TGFB2: variants seen among roughly 807,000 people sequenced by gnomAD.
TGFB2 encodes the protein transforming growth factor beta 2.
In TGFB2, 13 loss-of-function variants were observed where a neutral mutation model predicts 42.7. The ratio of observed to expected loss-of-function variants is 0.30; its 90% CI spans 0.20 to 0.48. The LOEUF is 0.48. Among genes scored for constraint, TGFB2 ranks in the 20% least tolerant of loss-of-function variants. The pLI is 0.99. For synonymous variants in TGFB2, 193 were observed against 193.6 expected (o/e 1.00, Z 0.03); for missense variants, 390 against 517.5 (o/e 0.75, Z 2.39).
At chr1:218,398,076 C>T (rs986522041) in intron 1 of TGFB2, among the ~76,000 whole-genome samples, 3 of 152,228 alleles carry the variant, frequency 2.0e-5, no homozygotes, top group African/African-American at 4.8e-5. Flanking sequence ...TTCTTTTCCC[C>T]GGACTTTATC....
intron 2 of TGFB2, among the ~76,000 whole-genome samples, chr1:218,410,175 C>G (rs1659049305): frequency 2.6e-5 from 4 of 152,130 alleles, no homozygotes; most frequent in Non-Finnish European, 4.4e-5. Context: ...AAAATATAGC[C>G]CAAGAGTTTT....
chr1:218,414,172 C>T (rs1659194220), intron 2 of TGFB2, among the ~76,000 whole-genome samples: 1 of 152,030 alleles, frequency 6.6e-6, no homozygotes, highest in Non-Finnish European at 1.5e-5. Flanking sequence ...CCAGGGAGCA[C>T]AGCACTAATG....
At chr1:218,430,400 A>T (rs1359204764) in intron 2 of TGFB2, among the ~76,000 whole-genome samples, 1 of 152,124 alleles carries the variant, frequency 6.6e-6, no homozygotes, top group African/African-American at 2.4e-5. Context: ...GTCTCAAAAA[A>T]AAAAAAAGTA....
intron 1 of TGFB2, among the ~76,000 whole-genome samples, chr1:218,390,103 C>A (rs1658271096): frequency 6.6e-6 from 1 of 152,214 alleles, no homozygotes; most frequent in African/African-American, 2.4e-5. Flanking sequence ...AGAAACACTT[C>A]TTTAAAGAGG....
At chr1:218,363,599 G>C (rs1657289534) in intron 1 of TGFB2, among the ~76,000 whole-genome samples, 1 of 152,194 alleles carries the variant, frequency 6.6e-6, no homozygotes, top group Non-Finnish European at 1.5e-5. Context: ...GAGAAAAACT[G>C]ATGAATAGCT....
Position 218,441,683 on chromosome 1 carries a change from G to A in TGFB2, c.*321G>A, listed in dbSNP as rs1036387945. 2 of 193,700 alleles carry A rather than the reference G, an allele frequency of 1.0e-5. No homozygotes were observed. Among genetic ancestry groups the A allele is most frequent in the Non-Finnish European group, 1.0e-5 (1 of 95,278 alleles). The allele number at this position is 193,700 out of a possible 1,614,324, so 12.0% of individuals were successfully genotyped here. A position where few individuals can be genotyped will look rare whatever the true frequency, so the allele number is the denominator to read the frequency against. Reference sequence around the variant, plus strand: ...TATTAGTGTTAATTATGTGAACAACGACAACAACAACAACAACAACAAACA... The same window carrying A: ...TATTAGTGTTAATTATGTGAACAACAACAACAACAACAACAACAACAAACA... On this transcript the variant is annotated 3_prime_UTR_variant, in exon 7 of 7. Coordinates refer to ENST00000366930, the MANE Select transcript of TGFB2 (RefSeq NM_003238.6).
chr1:218,406,514 A>G (rs1658916857), intron 2 of TGFB2, among the ~76,000 whole-genome samples: 1 of 152,214 alleles, frequency 6.6e-6, no homozygotes, highest in Non-Finnish European at 1.5e-5. Flanking sequence ...TTAAAGAACC[A>G]CTTGAAAAAT....
At chr1:218,359,949 A>G (rs1048064692) in intron 1 of TGFB2, among the ~76,000 whole-genome samples, 1 of 152,174 alleles carries the variant, frequency 6.6e-6, no homozygotes, top group Non-Finnish European at 1.5e-5. Context: ...AGCCCTTATG[A>G]GGGAATAATT....
At chr1:218,350,206 CACA>C (rs1300458390) in intron 1 of TGFB2, among the ~76,000 whole-genome samples, 3 of 152,320 alleles carry the variant, frequency 2.0e-5, no homozygotes, top group Admixed American at 6.5e-5. Flanking sequence ...GAGGAAGAGA[CACA>C]ACGTTTCATT....
intron 1 of TGFB2, among the ~76,000 whole-genome samples, chr1:218,379,769 A>G (rs1392155818): frequency 6.6e-6 from 1 of 152,072 alleles, no homozygotes; most frequent in African/African-American, 2.4e-5. Flanking sequence ...CTGTGATACA[A>G]TCTTATTTTA....
At chr1:218,402,379 A>G (rs1658751227) in intron 1 of TGFB2, among the ~76,000 whole-genome samples, 1 of 152,218 alleles carries the variant, frequency 6.6e-6, no homozygotes, top group African/African-American at 2.4e-5. Flanking sequence ...CTTAACTAGC[A>G]AGCTACTCCT....
intron 1 of TGFB2, among the ~76,000 whole-genome samples, chr1:218,361,914 T>G (rs371972927): frequency 1.3e-5 from 2 of 152,204 alleles, no homozygotes; most frequent in East Asian, 3.9e-4. Flanking sequence ...GGTGGCAACA[T>G]GATAGCAGTA....
At chr1:218,400,462 C>G (rs1174104866) in intron 1 of TGFB2, among the ~76,000 whole-genome samples, 1 of 152,054 alleles carries the variant, frequency 6.6e-6, no homozygotes, top group Non-Finnish European at 1.5e-5. Context: ...TGGGGTCCCC[C>G]TGCCACAAGC....
intron 1 of TGFB2, among the ~76,000 whole-genome samples, chr1:218,371,866 C>A (rs961719749): frequency 1.3e-5 from 2 of 152,140 alleles, no homozygotes; most frequent in African/African-American, 4.8e-5. Context: ...TCCCTAGAAC[C>A]CCATCTATAA....
At chr1:218,421,749 G>T (rs1393457930) in intron 2 of TGFB2, among the ~76,000 whole-genome samples, 2 of 152,152 alleles carry the variant, frequency 1.3e-5, no homozygotes, top group African/African-American at 4.8e-5. Context: ...TTGAGATGAG[G>T]TCATCCTGCA....
chr1:218,441,375 A>G lies in TGFB2; in HGVS notation c.*13A>G. On this transcript the variant is annotated 3_prime_UTR_variant, in exon 7 of 7. Transcript: ENST00000366930. ...CAAATGCAGCTAAAATTCTTGGAAA[A>G]GTGGCAAGACCAAAATGACAATGAT... is the stretch of plus-strand genomic sequence containing the variant. 1 of 1,597,078 alleles carries G rather than the reference A, an allele frequency of 6.3e-7. No homozygotes were observed. Among genetic ancestry groups the G allele is most frequent in the Middle Eastern group, 1.7e-4 (1 of 5,966 alleles).
intron 1 of TGFB2, among the ~76,000 whole-genome samples, chr1:218,383,704 G>T (rs1249566157): frequency 6.6e-6 from 1 of 152,220 alleles, no homozygotes; most frequent in Non-Finnish European, 1.5e-5. Flanking sequence ...ACACAGCTAC[G>T]TGGCGAAGGA....
chr1:218,356,339 C>G (rs1336895741), intron 1 of TGFB2, among the ~76,000 whole-genome samples: 1 of 151,872 alleles, frequency 6.6e-6, no homozygotes, highest in Non-Finnish European at 1.5e-5. Flanking sequence ...GCCTCAGCCT[C>G]TACAATAGTT....
At chr1:218,378,052 T>A in intron 1 of TGFB2, among the ~76,000 whole-genome samples, 1 of 152,196 alleles carries the variant, frequency 6.6e-6, no homozygotes, top group Non-Finnish European at 1.5e-5. Context: ...CTTGGCTCAC[T>A]GCAACCGCCG....
Sources: allele counts gnomAD v4.1 joint callset (sites outside exome capture counted in the v4.1 genomes callset), GRCh38; gene constraint gnomAD v4.1.1; transcripts MANE v1.5; gene names NCBI Gene and HGNC (gene_info 2026-07-23, HGNC 2026-07-21).